The following RNF144A variants were observed in gnomAD, a reference collection of about 807,000 sequenced individuals.
The protein encoded by RNF144A is ring finger protein 144A.
A neutral mutation model predicts 38.7 loss-of-function variants in RNF144A; 11 were observed. That is an observed-to-expected ratio of 0.28 (90% CI 0.18 to 0.47). The LOEUF (loss-of-function observed/expected upper bound fraction) is 0.47. Among genes scored for constraint, RNF144A ranks in the 20% least tolerant of loss-of-function variants. The pLI, the probability that RNF144A is intolerant of heterozygous loss-of-function variation, is 0.99. For synonymous variants in RNF144A, 149 were observed against 143.9 expected, an observed-to-expected ratio of 1.04 and a Z score of -0.25; for missense variants, 316 against 377.2, an observed-to-expected ratio of 0.84 and a Z score of 1.34.
intron 3 of RNF144A, among the ~76,000 whole-genome samples, chr2:7,013,517 A>G (rs1426768449): frequency 6.6e-6 from 1 of 152,254 alleles, no homozygotes; most frequent in Non-Finnish European, 1.5e-5. Context: ...CTTTAAATAT[A>G]CTGGGACTGT....
intron 8 of RNF144A, among the ~76,000 whole-genome samples, chr2:7,033,336 T>C (rs1041246399): frequency 8.5e-5 from 13 of 152,230 alleles, no homozygotes; most frequent in Admixed American, 7.2e-4. Context: ...ATCTGGCTGC[T>C]GGCTTGGGCC....
chr2:7,066,122 C>G (rs1674206186), intron 6 of RNF144A, among the ~76,000 whole-genome samples: 1 of 150,976 alleles, frequency 6.6e-6, no homozygotes, highest in African/African-American at 2.4e-5. Flanking sequence ...GAGTCTCACT[C>G]TGTTGCCCAG....
At chr2:6,974,661 A>T (rs182990858) in intron 2 of RNF144A, among the ~76,000 whole-genome samples, 1 of 152,226 alleles carries the variant, frequency 6.6e-6, no homozygotes, top group African/African-American at 2.4e-5. Flanking sequence ...TCTTACATTC[A>T]CATTGCCGTG....
At position 7,041,792 on chromosome 2, in the gene RNF144A, G is replaced by A. The variant is rs188466398; in HGVS notation, c.*2032G>A. The stretch of plus-strand genomic sequence containing the variant: ...GAAATTGCTGCTGCCCATCGCATGA[G>A]CCCACACAGTAGCACCCCCGTCCTT... On this transcript the variant is annotated 3_prime_UTR_variant, in exon 9 of 9. Transcript: ENST00000320892. 2.0e-6 allele frequency: 2 copies of A among 985,578 alleles called. No individual in the cohort carries two copies. Among genetic ancestry groups the A allele is most frequent in the East Asian group, 2.3e-4 (2 of 8,810 alleles). 61.1% of individuals were successfully genotyped at this position (985,578 alleles called of 1,614,324 possible). A position where few individuals can be genotyped will look rare whatever the true frequency, so the allele number is the denominator to read the frequency against.
At chr2:6,929,943 A>C (rs2103278148) in intron 1 of RNF144A, among the ~76,000 whole-genome samples, 1 of 152,346 alleles carries the variant, frequency 6.6e-6, no homozygotes, top group South Asian at 2.1e-4. Context: ...AATAAATATA[A>C]ATCACGTTGG....
At chr2:6,924,048 C>T (rs1026470152) in intron 1 of RNF144A, among the ~76,000 whole-genome samples, 17 of 152,178 alleles carry the variant, frequency 1.1e-4, no homozygotes, top group East Asian at 9.6e-4. Context: ...AAATGGAATT[C>T]GAGTGTAAAT....
At chr2:6,999,009 C>A (rs1208318744) in intron 3 of RNF144A, among the ~76,000 whole-genome samples, 4 of 152,082 alleles carry the variant, frequency 2.6e-5, no homozygotes, top group East Asian at 1.9e-4. Flanking sequence ...TTTGCTGAGG[C>A]CTTCATTTTT....
At chr2:6,996,183 C>G (rs912747298) in intron 2 of RNF144A, among the ~76,000 whole-genome samples, 1 of 152,228 alleles carries the variant, frequency 6.6e-6, no homozygotes, top group African/African-American at 2.4e-5. Context: ...AGCCTCACCA[C>G]CCCCACCAAG....
rs991772575 is a variant in RNF144A at position 6,962,703 on chromosome 2, A to T, written c.-12+21556A>T. On this transcript the variant is annotated intron_variant, in intron 2 of 8. Coordinates refer to ENST00000320892, the MANE Select transcript of RNF144A (RefSeq NM_014746.6). This position sits in a 1 kb window ranked among gnomAD's most constrained non-coding sequence, Gnocchi z 4.1. ...TAAAACATTAGTTCTTCCCCATTCT[A>T]TTTTGCTTGGATATTTATGCACTTG... Among the ~76,000 whole-genome samples the T allele has an allele frequency of 6.6e-6, 1 of 152,154 alleles. No individual in the cohort carries two copies. Among genetic ancestry groups the T allele is most frequent in the African/African-American group, 2.4e-5 (1 of 41,446 alleles).
chr2:6,937,123 T>C (rs1665642121), intron 1 of RNF144A, among the ~76,000 whole-genome samples: 1 of 152,224 alleles, frequency 6.6e-6, no homozygotes, highest in Non-Finnish European at 1.5e-5. Context: ...ATTGAGGGAC[T>C]GACCACTCCA....
intron 3 of RNF144A, among the ~76,000 whole-genome samples, chr2:6,998,435 A>G (rs1669899529): frequency 6.6e-6 from 1 of 152,190 alleles, no homozygotes; most frequent in South Asian, 2.1e-4. Flanking sequence ...AAACATTTAC[A>G]TCTGTGTCTT....
chr2:6,922,712 C>T (rs1458000910), intron 1 of RNF144A, among the ~76,000 whole-genome samples: 2 of 151,570 alleles, frequency 1.3e-5, no homozygotes, highest in African/African-American at 2.4e-5. Context: ...GCAAGCTCCG[C>T]CTCCTGGGTT....
chr2:7,058,133 G>T (rs1345693492), intron 6 of RNF144A, among the ~76,000 whole-genome samples: 3 of 152,128 alleles, frequency 2.0e-5, no homozygotes, highest in Admixed American at 6.5e-5. Flanking sequence ...TATGATACCT[G>T]AGATAGCTGC....
At chr2:6,986,038 T>C (rs1256840108) in intron 2 of RNF144A, among the ~76,000 whole-genome samples, 2 of 152,174 alleles carry the variant, frequency 1.3e-5, no homozygotes, top group Non-Finnish European at 2.9e-5. Context: ...GGAAGAGGCC[T>C]CTCACTGATG....
intron 2 of RNF144A, chr2:6,978,653 T>C (rs1282983305): frequency 6.6e-6 from 1 of 152,670 alleles, no homozygotes; most frequent in Non-Finnish European, 1.5e-5. Flanking sequence ...TATGTGATCA[T>C]GTTCAAGTCC....
chr2:7,066,111 G>A (rs1025936779), intron 6 of RNF144A, among the ~76,000 whole-genome samples: 10 of 150,662 alleles, frequency 6.6e-5, no homozygotes, highest in East Asian at 5.8e-4. Context: ...TTTTTGAGAC[G>A]GAGTCTCACT....
At chr2:7,045,365 T>A (rs1673265095), downstream of RNF144A, among the ~76,000 whole-genome samples, 1 of 152,000 alleles carries the variant, frequency 6.6e-6, no homozygotes, top group Non-Finnish European at 1.5e-5. Context: ...GGTCTGGAGG[T>A]TGGAAACTGA....
intron 6 of RNF144A, among the ~76,000 whole-genome samples, chr2:7,051,124 C>T (rs375905998): frequency 6.6e-6 from 1 of 152,284 alleles, no homozygotes; most frequent in African/African-American, 2.4e-5. Flanking sequence ...AGCTCCACCC[C>T]CTGCAGGAGA....
At chr2:7,076,258 A>C in the RNF144A span, among the ~76,000 whole-genome samples, 1 of 152,158 alleles carries the variant, frequency 6.6e-6, no homozygotes, top group African/African-American at 2.4e-5. Flanking sequence ...ATTGATTTCT[A>C]TTTTGTACTA....
Sources: gnomAD v4.1 joint callset for allele counts (sites outside exome capture counted in the v4.1 genomes callset) on GRCh38, gnomAD v4.1.1 for gene constraint, Gnocchi (gnomAD v3.1) non-coding constraint, MANE v1.5 for transcripts, NCBI Gene and HGNC (gene_info 2026-07-23, HGNC 2026-07-21) for gene names.